The following GOSR2 variants were observed in gnomAD, a reference collection of about 807,000 sequenced individuals.
The protein encoded by GOSR2 is golgi SNAP receptor complex member 2, also known as 27 kDa Golgi SNARE protein.
A neutral mutation model predicts 27.9 loss-of-function variants in GOSR2; 20 were observed. The observed-to-expected ratio is 0.72, with a 90% CI of 0.50 to 1.04. GOSR2 has a LOEUF of 1.04. Among genes scored for constraint, GOSR2 ranks in the 50% least tolerant of loss-of-function variants. The pLI is 0.00. For synonymous variants in GOSR2, 91 were observed against 98.8 expected, an observed-to-expected ratio of 0.92 and a Z score of 0.47; for missense variants, 261 against 270.5, an observed-to-expected ratio of 0.97 and a Z score of 0.25.
At position 46,939,178 on chromosome 17, in the gene GOSR2, TGGAAA is replaced by T. The variant is rs1284333904; in HGVS notation, c.*430_*434del. On this transcript the variant is annotated 3_prime_UTR_variant, in exon 6 of 6. Coordinates refer to ENST00000640051, the MANE Select transcript of GOSR2 (RefSeq NM_004287.5). ...GGCTCCTGATAGGGTGGAGCAAAAG[TGGAAA>T]GGAAAGGAAAGAGGCCTTTTCTCAC... The T allele has an allele frequency of 1.8e-5, 20 of 1,090,646 alleles. No individual in the cohort carries two copies. The highest frequency in any genetic ancestry group is 6.4e-5 in the East Asian group (1 of 15,536). 67.6% of individuals were successfully genotyped at this position (1,090,646 alleles called of 1,614,324 possible). A position where few individuals can be genotyped will look rare whatever the true frequency, so the allele number is the denominator to read the frequency against.
downstream of GOSR2, among the ~76,000 whole-genome samples, chr17:46,945,192 G>T (rs1043152618): frequency 5.9e-5 from 9 of 152,198 alleles, no homozygotes; most frequent in Non-Finnish European, 1.2e-4. Context: ...GCTCTAACCA[G>T]CCCTGGCTGC....
Position 46,962,185 on chromosome 17 carries a change from C to T in GOSR2, c.584-4349C>T, listed in dbSNP as rs541357668. Among the ~76,000 whole-genome samples the T allele has an allele frequency of 4.1e-4, 63 of 152,030 alleles. No individual in the cohort carries two copies. In the South Asian group the frequency reaches 0.012, roughly 30 times the overall value. ...TACTAAAAATACATAAAAAATTAGC[C>T]GGGCGTGATGGCATGCGCCTGTAAT... is the stretch of plus-strand genomic sequence containing the variant. On this transcript the variant is annotated intron_variant, in intron 6 of 6. Coordinates refer to the GOSR2 transcript ENST00000573224.
chr17:46,938,999 GTC>G lies in GOSR2; in HGVS notation c.*246_*247del. On this transcript the variant is annotated 3_prime_UTR_variant, in exon 6 of 6. Transcript: ENST00000640051. Reference sequence around the variant, plus strand: ...AGGAAATGAAAGAAGTCCCGGGTCTGTCTCTCTCACTCTCGCTCTCACTGGGG... The same window carrying G: ...AGGAAATGAAAGAAGTCCCGGGTCTGTCTCTCACTCTCGCTCTCACTGGGG... 2.1e-5 allele frequency: 29 copies of G among 1,367,992 alleles called. No individual in the cohort carries two copies. The highest frequency in any genetic ancestry group is 2.7e-5 in the Non-Finnish European group (28 of 1,049,196). The allele number at this position is 1,367,992 out of a possible 1,614,324, so 84.7% of individuals were successfully genotyped here. A position where few individuals can be genotyped will look rare whatever the true frequency, so the allele number is the denominator to read the frequency against.
In GOSR2 at chr17:46,972,144, TG is replaced by T. The variant is rs572204462; in HGVS notation, c.616-3052del. On this transcript the variant is annotated intron_variant, in intron 6 of 6. Transcript: ENST00000640723. ...CAGCCTGCTGTGGTGGGCACTGTGC[TG>T]GGCCCAGGCTGTGTGCTGACAGAAC... 1.6e-3 allele frequency among the ~76,000 whole-genome samples: 243 copies of T among 152,302 alleles called. 2 individuals are homozygous for T. The highest frequency in any genetic ancestry group is 5.5e-3 in the African/African-American group (228 of 41,580).
intron 6 of GOSR2, among the ~76,000 whole-genome samples, chr17:46,947,463 G>C (rs2089999330): frequency 6.6e-6 from 1 of 152,216 alleles, no homozygotes; most frequent in Non-Finnish European, 1.5e-5. Context: ...CGTTCATGCT[G>C]CTGAGATACT....
downstream of GOSR2, chr17:46,942,082 T>A: frequency 2.7e-6 from 1 of 364,466 alleles, no homozygotes; most frequent in Non-Finnish European, 3.8e-6. Context: ...TACAAAGAAG[T>A]GAGGCACAAG....
At chr17:46,965,273 C>T (rs1443822623) in intron 6 of GOSR2, among the ~76,000 whole-genome samples, 1 of 152,220 alleles carries the variant, frequency 6.6e-6, no homozygotes, top group East Asian at 1.9e-4. Context: ...CTCAACCTCC[C>T]ATGGGTACAA....
chr17:46,933,458 G>A (rs17676978), intron 4 of GOSR2: 11,511 of 152,240 alleles, frequency 0.076, 581 homozygotes, highest in Non-Finnish European at 0.11. Flanking sequence ...GACACACTGG[G>A]CATTAGCTGC....
chr17:46,962,328 C>CAA (rs3048523), intron 6 of GOSR2, among the ~76,000 whole-genome samples: 61,726 of 138,672 alleles, frequency 0.45, 13,508 homozygotes, highest in South Asian at 0.51. Flanking sequence ...GACTCCATCT[C>CAA]AAAAAAAAAA....
intron 6 of GOSR2, chr17:46,948,567 C>A (rs1202448829): frequency 6.6e-6 from 1 of 152,258 alleles, no homozygotes; most frequent in Non-Finnish European, 1.5e-5. Context: ...CTCTCCCAGC[C>A]TCAGTGTCCT....
At chr17:46,931,041 T>C in intron 2 of GOSR2, 58 bp from the exon 3 acceptor site, 1 of 932,570 alleles carries the variant, frequency 1.1e-6, no homozygotes, top group African/African-American at 1.6e-5. Context: ...GATTTATCAT[T>C]GTAATTTAAG....
intron 6 of GOSR2, among the ~76,000 whole-genome samples, chr17:46,959,545 T>G (rs1599218753): frequency 1.3e-5 from 2 of 151,766 alleles, no homozygotes; most frequent in East Asian, 3.9e-4. Context: ...CCCAGGTTTT[T>G]GGGAAAAAAA....
At chr17:46,945,262 C>T (rs1002618782), downstream of GOSR2, among the ~76,000 whole-genome samples, 2 of 152,164 alleles carry the variant, frequency 1.3e-5, no homozygotes, top group South Asian at 2.1e-4. Flanking sequence ...CACTGTCCTC[C>T]GTGTTCCAGC....
chr17:46,944,563 A>G (rs1044503989), downstream of GOSR2, among the ~76,000 whole-genome samples: 1 of 151,180 alleles, frequency 6.6e-6, no homozygotes, highest in Admixed American at 6.6e-5. Context: ...AGAGATGCCG[A>G]GCTACCTGGT....
chr17:46,943,703 C>A (rs192452955), downstream of GOSR2, among the ~76,000 whole-genome samples: 1 of 152,356 alleles, frequency 6.6e-6, no homozygotes, highest in East Asian at 1.9e-4. Flanking sequence ...GCAGCCAGGC[C>A]AGGAGGAAGC....
At chr17:46,953,769 T>C (rs534603189) in intron 6 of GOSR2, among the ~76,000 whole-genome samples, 1,923 of 152,346 alleles carry the variant, frequency 0.013, 14 homozygotes, top group Middle Eastern at 0.034. Flanking sequence ...TGGTTTTGAT[T>C]TGCATTTCTC....
rs2089065221 is a variant in GOSR2, at chr17:46,940,233, G to C, written c.*1473G>C. 7.0e-7 allele frequency: 1 copy of C among 1,421,140 alleles called. No homozygotes were observed. Among genetic ancestry groups the C allele is most frequent in the African/African-American group, 1.4e-5 (1 of 69,582 alleles). 88.0% of individuals were successfully genotyped at this position (1,421,140 alleles called of 1,614,324 possible). On this transcript the variant is annotated 3_prime_UTR_variant, in exon 6 of 6. Coordinates refer to ENST00000640051, the MANE Select transcript of GOSR2 (RefSeq NM_004287.5). ...TTGTCATAGATTAACTGAGTTTCCT[G>C]GATGCTAATTTCACACTTTCGGTTG...
chr17:46,945,617 G>A (rs978893930), downstream of GOSR2, among the ~76,000 whole-genome samples: 3 of 152,138 alleles, frequency 2.0e-5, no homozygotes, highest in African/African-American at 7.2e-5. Context: ...ATGCAGAAGG[G>A]AAGCAGTTCT....
At chr17:46,935,274 A>G in intron 5 of GOSR2, 105 bp downstream of exon 5, 1 of 1,600,020 alleles carries the variant, frequency 6.2e-7, no homozygotes, top group Non-Finnish European at 8.5e-7. Context: ...AAATTGTGAT[A>G]TTTTGATGAC....
Sources: allele counts gnomAD v4.1 joint callset (sites outside exome capture counted in the v4.1 genomes callset), GRCh38; gene constraint gnomAD v4.1.1; transcripts MANE v1.5; gene names NCBI Gene and HGNC (gene_info 2026-07-23, HGNC 2026-07-21).